The following LRRC4C variants were observed in gnomAD, a reference collection of about 807,000 sequenced individuals.
The protein encoded by LRRC4C is leucine-rich repeat-containing protein 4C.
LRRC4C carries 5 observed loss-of-function variants against 33.6 expected under a neutral mutation model. That is an observed-to-expected ratio of 0.15 (90% CI 0.08 to 0.31). The LOEUF is 0.31. Among genes scored for constraint, LRRC4C ranks in the 10% least tolerant of loss-of-function variants. The pLI, the probability that LRRC4C is intolerant of heterozygous loss-of-function variation, is 1.00. For synonymous variants in LRRC4C, 329 were observed against 302.0 expected, an observed-to-expected ratio of 1.09 and a Z score of -0.93; for missense variants, 560 against 796.7, an observed-to-expected ratio of 0.70 and a Z score of 3.58.
chr11:40,658,903 C>T (rs951381553), intron 2 of LRRC4C, among the ~76,000 whole-genome samples: 2 of 152,170 alleles, frequency 1.3e-5, no homozygotes, highest in African/African-American at 4.8e-5. Context: ...ATGCCGGCTG[C>T]AGCAGGGGAG....
At chr11:40,297,370 T>G (rs1178028706) in intron 4 of LRRC4C, among the ~76,000 whole-genome samples, 1 of 152,212 alleles carries the variant, frequency 6.6e-6, no homozygotes. Flanking sequence ...TCACACGTAA[T>G]GACATGTGAA....
intron 5 of LRRC4C, among the ~76,000 whole-genome samples, chr11:40,154,744 C>G (rs1858536696): frequency 6.6e-6 from 1 of 152,086 alleles, no homozygotes; most frequent in Admixed American, 6.5e-5. Context: ...TAGACAGCAA[C>G]ACAATAATAG....
intron 1 of LRRC4C, among the ~76,000 whole-genome samples, chr11:41,117,477 T>C (rs191995744): frequency 1.1e-4 from 17 of 152,308 alleles, no homozygotes; most frequent in Admixed American, 9.2e-4. Flanking sequence ...TAAACTATGA[T>C]AGCAACTATG....
At chr11:41,057,826 C>T (rs1161331348) in intron 1 of LRRC4C, among the ~76,000 whole-genome samples, 3 of 152,206 alleles carry the variant, frequency 2.0e-5, no homozygotes, top group African/African-American at 4.8e-5. Flanking sequence ...GCTACCGTCT[C>T]TGCTCTGCTG....
intron 1 of LRRC4C, among the ~76,000 whole-genome samples, chr11:41,392,611 G>A (rs550708368): frequency 2.9e-4 from 44 of 151,772 alleles, no homozygotes; most frequent in African/African-American, 1.1e-3. Context: ...GGTTTATTTG[G>A]GAATAATATC....
intron 1 of LRRC4C, among the ~76,000 whole-genome samples, chr11:41,097,419 G>C (rs958257305): frequency 1.6e-4 from 24 of 152,004 alleles, no homozygotes; most frequent in Admixed American, 1.2e-3. Flanking sequence ...GTACTATTAT[G>C]CCACTATTGA....
At chr11:40,323,226 C>T (rs1017813823) in intron 3 of LRRC4C, among the ~76,000 whole-genome samples, 1 of 152,176 alleles carries the variant, frequency 6.6e-6, no homozygotes, top group Non-Finnish European at 1.5e-5. Flanking sequence ...TGAAAGTTCA[C>T]TTGTTTTCTT....
intron 1 of LRRC4C, among the ~76,000 whole-genome samples, chr11:41,339,164 A>T (rs1467613021): frequency 6.6e-6 from 1 of 152,196 alleles, no homozygotes; most frequent in African/African-American, 2.4e-5. Flanking sequence ...ATTGGTCTTC[A>T]CTTTATGATA....
chr11:40,576,765 C>T (rs187618477), intron 3 of LRRC4C, among the ~76,000 whole-genome samples: 528 of 152,158 alleles, frequency 3.5e-3, no homozygotes, highest in Non-Finnish European at 5.2e-3. Flanking sequence ...TTATTCGTTC[C>T]TCTGTTAATC....
intron 3 of LRRC4C, among the ~76,000 whole-genome samples, chr11:40,586,261 A>G (rs1369258657): frequency 6.6e-6 from 1 of 151,886 alleles, no homozygotes; most frequent in Non-Finnish European, 1.5e-5. Context: ...TTTTGGCTGC[A>G]TAAATGTCTT....
rs192620930 is a variant in LRRC4C at position 41,249,961 on chromosome 11, C to T, written c.-496+209470G>A. ...ATCTGATCACCTGAGGTCAGGAGTT[C>T]GAGACCAACCTGGCCAACATGGTGA... On this transcript the variant is annotated intron_variant, in intron 1 of 6. Transcript: ENST00000528697. 4.0e-3 allele frequency among the ~76,000 whole-genome samples: 601 copies of T among 151,620 alleles called. 4 individuals are homozygous for T. The highest frequency in any genetic ancestry group is 3.9e-3 in the Non-Finnish European group (262 of 67,898).
Position 41,159,387 on chromosome 11 carries a change from G to A in LRRC4C, c.-495-225664C>T, listed in dbSNP as rs568529436. Among the ~76,000 whole-genome samples, 6 of 152,140 alleles carry A rather than the reference G, an allele frequency of 3.9e-5. No homozygotes were observed. The South Asian group carries it at 1.2e-3, about 32-fold the overall frequency. ...ATGGACAATGTTGATGAGCAAATTA[G>A]GAAGCTGAAGGAGGAAGCAACATTA... is the stretch of plus-strand genomic sequence containing the variant. On this transcript the variant is annotated intron_variant, in intron 1 of 6. Transcript: ENST00000528697.
chr11:40,434,479 C>T (rs542251637), intron 3 of LRRC4C, among the ~76,000 whole-genome samples: 91 of 152,288 alleles, frequency 6.0e-4, no homozygotes, highest in African/African-American at 2.1e-3. Flanking sequence ...GCAAGACACA[C>T]GACTGCTCAG....
At chr11:40,782,883 CAT>C (rs1257537345) in intron 2 of LRRC4C, among the ~76,000 whole-genome samples, 3 of 151,966 alleles carry the variant, frequency 2.0e-5, no homozygotes, top group South Asian at 2.1e-4. Flanking sequence ...TCTACATACA[CAT>C]GTTTATACAT....
rs576232240 is a variant in LRRC4C, at chr11:41,421,269, A to G, written c.-496+38162T>C. Among the ~76,000 whole-genome samples, 357 of 152,116 alleles carry G rather than the reference A, an allele frequency of 2.3e-3. 1 individual carries two copies. Among genetic ancestry groups the G allele is most frequent in the Non-Finnish European group, 3.8e-3 (260 of 67,952 alleles). ...CCCAACCATAGGCTTTATGTCTTCT[A>G]TATTTGGAGATATTTCTACAGCTGT... On this transcript the variant is annotated intron_variant, in intron 1 of 6. Coordinates refer to ENST00000528697, the MANE Select transcript of LRRC4C (RefSeq NM_001258419.2).
intron 5 of LRRC4C, among the ~76,000 whole-genome samples, chr11:40,234,492 T>C (rs1425574694): frequency 6.6e-6 from 1 of 152,082 alleles, no homozygotes; most frequent in African/African-American, 2.4e-5. Flanking sequence ...TGGATAAAAC[T>C]CAGACCAGGC....
At chr11:41,028,746 C>G (rs1856539808) in intron 1 of LRRC4C, among the ~76,000 whole-genome samples, 1 of 151,568 alleles carries the variant, frequency 6.6e-6, no homozygotes, top group Non-Finnish European at 1.5e-5. Context: ...ACTCTTTATT[C>G]ATGTGTTTGT....
intron 4 of LRRC4C, among the ~76,000 whole-genome samples, chr11:40,247,593 C>T (rs1866449222): frequency 6.6e-6 from 1 of 152,090 alleles, no homozygotes; most frequent in South Asian, 2.1e-4. Flanking sequence ...GGGTGGGATT[C>T]CCAGAGCCTA....
intron 1 of LRRC4C, among the ~76,000 whole-genome samples, chr11:41,363,911 A>G (rs959885685): frequency 1.3e-5 from 2 of 152,306 alleles, no homozygotes; most frequent in South Asian, 2.1e-4. Flanking sequence ...ATTAGTCTCA[A>G]TTAATCTCAA....
Sources: gnomAD v4.1 joint callset for allele counts (sites outside exome capture counted in the v4.1 genomes callset) on GRCh38, gnomAD v4.1.1 for gene constraint, MANE v1.5 for transcripts, NCBI Gene and HGNC (gene_info 2026-07-23, HGNC 2026-07-21) for gene names.